HHLA1: variants seen among roughly 807,000 people sequenced by gnomAD.
The protein encoded by HHLA1 is HERV-H LTR-associating protein 1.
In HHLA1, 72 loss-of-function variants were observed where a neutral mutation model predicts 69.9. That is an observed-to-expected ratio of 1.03 (90% CI 0.85 to 1.25). The LOEUF is 1.25. HHLA1 is among the 50% of genes most tolerant of loss of function. The pLI is 0.00. For missense variants in HHLA1, 685 were observed against 642.2 expected, an observed-to-expected ratio of 1.07 and a Z score of -0.72; for synonymous variants, 252 against 233.2, an observed-to-expected ratio of 1.08 and a Z score of -0.73.
At chr8:132,102,470 AG>A (rs1299139537) in intron 3 of HHLA1, among the ~76,000 whole-genome samples, 1 of 152,272 alleles carries the variant, frequency 6.6e-6, no homozygotes, top group Admixed American at 6.5e-5. Flanking sequence ...AGTCTGAGAC[AG>A]ACATACTTAA....
chr8:132,099,913 C>G (rs778469815), intron 4 of HHLA1, among the ~76,000 whole-genome samples, 162 bp downstream of exon 4: 3 of 152,028 alleles, frequency 2.0e-5, no homozygotes, highest in Non-Finnish European at 2.9e-5. Context: ...GTTGATGCTC[C>G]TCTTTATTCA....
At chr8:132,085,540 C>G in intron 10 of HHLA1, 1 of 287,406 alleles carries the variant, frequency 3.5e-6, no homozygotes, top group South Asian at 2.9e-5. Context: ...ATCCGAGTGA[C>G]GGCACCAAAT....
At chr8:132,085,313 A>G (rs4736397) in intron 10 of HHLA1, 168,186 of 184,824 alleles carry the variant, frequency 0.91, 76,894 homozygotes, top group Middle Eastern at 0.95. Context: ...AAGAGAAGGG[A>G]GAGATTGAAG....
intron 7 of HHLA1, 76 bp downstream of exon 7, chr8:132,095,443 G>T: frequency 1.0e-6 from 1 of 958,028 alleles, no homozygotes; most frequent in Non-Finnish European, 1.6e-6. Context: ...CTTACATTGA[G>T]GAAAAACAAA....
In HHLA1 at chr8:132,063,203, G is replaced by A. The variant is rs1823381630; in HGVS notation, c.*792C>T. Reference sequence around the variant, plus strand: ...GGGCTCTCTTGGACTCTCTCTAGAGGTGCCTTTCACATTTGCTGCTTTTCA... The same window carrying A: ...GGGCTCTCTTGGACTCTCTCTAGAGATGCCTTTCACATTTGCTGCTTTTCA... On this transcript the variant is annotated 3_prime_UTR_variant, in exon 17 of 17. Transcript: ENST00000414222. 6.6e-6 allele frequency: 1 copy of A among 152,202 alleles called. No homozygotes were observed. The highest frequency in any genetic ancestry group is 1.5e-5 in the Non-Finnish European group (1 of 68,050). 9.4% of individuals were successfully genotyped at this position (152,202 alleles called of 1,614,324 possible).
chr8:132,084,109 T>C (rs1186316023), intron 10 of HHLA1, among the ~76,000 whole-genome samples: 1 of 152,144 alleles, frequency 6.6e-6, no homozygotes, highest in African/African-American at 2.4e-5. Flanking sequence ...GCATTAACCT[T>C]GACTATGCCT....
chr8:132,064,376 G>A (rs1408197931), intron 16 of HHLA1, among the ~76,000 whole-genome samples: 8 of 152,220 alleles, frequency 5.3e-5, no homozygotes, highest in African/African-American at 1.9e-4. Flanking sequence ...TTCAGTAAAT[G>A]TAATACGTTG....
intron 14 of HHLA1, among the ~76,000 whole-genome samples, chr8:132,075,228 A>G (rs1018068340): frequency 2.0e-5 from 3 of 152,194 alleles, no homozygotes; most frequent in African/African-American, 7.2e-5. Flanking sequence ...GAGACGGGGC[A>G]GGGTCCAGCA....
Position 132,087,752 on chromosome 8 carries a change from C to T in HHLA1, c.590-13G>A, listed in dbSNP as rs1823887033. On this transcript the variant is annotated splice_polypyrimidine_tract_variant and intron_variant, in intron 9 of 16. Transcript: ENST00000414222. ...GAAAGATTCCTTCCTGCAAAAATCA[C>T]ACCAACAGGGTCAGATCTTGGGTTT... 2 of 1,548,498 alleles carry T rather than the reference C, an allele frequency of 1.3e-6. No homozygotes were observed. Among genetic ancestry groups the T allele is most frequent in the African/African-American group, 1.4e-5 (1 of 72,994 alleles).
chr8:132,110,066 G>A (rs1261000441), intron 1 of HHLA1, among the ~76,000 whole-genome samples: 13 of 152,098 alleles, frequency 8.5e-5, no homozygotes, highest in Non-Finnish European at 1.5e-4. Flanking sequence ...AATCAACAAG[G>A]GTCCCAAATC....
intron 5 of HHLA1, among the ~76,000 whole-genome samples, chr8:132,096,712 C>T (rs921218685): frequency 6.6e-6 from 1 of 152,108 alleles, no homozygotes; most frequent in African/African-American, 2.4e-5. Context: ...ATTAAAAGGG[C>T]ACATTCCTGG....
In HHLA1 at chr8:132,062,250, G is replaced by C. The variant is rs1329917447; in HGVS notation, c.*1745C>G. ...CATGATAATATACATTTATGAGCTT[G>C]ACATTTGCATAACTTGGAGAGTCTT... On this transcript the variant is annotated 3_prime_UTR_variant, in exon 17 of 17. Transcript: ENST00000414222. The C allele has an allele frequency of 2.0e-5, 3 of 152,152 alleles. No homozygotes were observed. Among genetic ancestry groups the C allele is most frequent in the Non-Finnish European group, 4.4e-5 (3 of 68,024 alleles). The allele number at this position is 152,152 out of a possible 1,614,324, so 9.4% of individuals were successfully genotyped here.
At chr8:132,091,350 A>T (rs1823943103) in intron 7 of HHLA1, among the ~76,000 whole-genome samples, 1 of 152,194 alleles carries the variant, frequency 6.6e-6, no homozygotes, top group African/African-American at 2.4e-5. Flanking sequence ...CATGGAGTCC[A>T]GGTTTTGCCC....
At chr8:132,104,048 G>T in intron 3 of HHLA1, 60 bp downstream of exon 3, 2 of 1,151,750 alleles carry the variant, frequency 1.7e-6, no homozygotes, top group South Asian at 1.3e-5. Flanking sequence ...CAGGCTTGGG[G>T]AAGTCAAGGA....
At chr8:132,082,619 T>A (rs2469490) in intron 10 of HHLA1, among the ~76,000 whole-genome samples, 46,629 of 151,752 alleles carry the variant, frequency 0.31, 7,419 homozygotes, top group East Asian at 0.42. Flanking sequence ...AGTACAGCCT[T>A]GGTAATTTGC....
intron 10 of HHLA1, chr8:132,080,940 C>A (rs143304838): frequency 6.6e-6 from 1 of 151,930 alleles, no homozygotes; most frequent in South Asian, 2.1e-4. Context: ...GGCCTGGATA[C>A]AGTTTTGTAT....
chr8:132,068,299 G>C lies in HHLA1; in HGVS notation c.1470-2331C>G, dbSNP rs539750794. Among the ~76,000 whole-genome samples, 9 of 152,278 alleles carry C rather than the reference G, an allele frequency of 5.9e-5. No individual in the cohort carries two copies. The East Asian group carries it at 1.7e-3, about 29-fold the overall frequency. On this transcript the variant is annotated intron_variant, in intron 15 of 16. Coordinates refer to ENST00000414222, the MANE Select transcript of HHLA1 (RefSeq NM_001145095.3). ...TGAAAGTGTACACCGCTCTCAGGAT[G>C]AATGAGAATCTTGCCTCTATGATCA...
intron 7 of HHLA1, among the ~76,000 whole-genome samples, chr8:132,095,280 A>T (rs142225238): frequency 1.3e-5 from 2 of 152,340 alleles, no homozygotes; most frequent in African/African-American, 4.8e-5. Flanking sequence ...ATTTTCCCTC[A>T]TGATGGATAT....
chr8:132,064,328 A>G (rs1175711024), intron 16 of HHLA1, among the ~76,000 whole-genome samples: 1 of 152,214 alleles, frequency 6.6e-6, no homozygotes, highest in Non-Finnish European at 1.5e-5. Context: ...GCATCTCTAG[A>G]GCTTGCACGA....
Sources: allele counts gnomAD v4.1 joint callset (sites outside exome capture counted in the v4.1 genomes callset), GRCh38; gene constraint gnomAD v4.1.1; transcripts MANE v1.5; gene names NCBI Gene and HGNC (gene_info 2026-07-23, HGNC 2026-07-21).